Variants in FAM114A1 observed in about 807,000 individuals in gnomAD.
The protein encoded by FAM114A1 is protein NOXP20.
FAM114A1 carries 62 observed loss-of-function variants against 64.3 expected under a neutral mutation model. The ratio of observed to expected loss-of-function variants is 0.96; its 90% CI spans 0.79 to 1.19. The LOEUF (loss-of-function observed/expected upper bound fraction) is 1.19. FAM114A1 is among the 50% of genes most tolerant of loss of function. The probability of loss-of-function intolerance (pLI) is 0.00; values close to 1 mark genes in which losing one functional copy is unlikely to be tolerated. For missense variants in FAM114A1, 645 were observed against 676.3 expected, an observed-to-expected ratio of 0.95 and a Z score of 0.51; for synonymous variants, 254 against 251.1, an observed-to-expected ratio of 1.01 and a Z score of -0.11.
chr4:38,919,503 A>G (rs1719386899), intron 8 of FAM114A1, among the ~76,000 whole-genome samples: 1 of 152,210 alleles, frequency 6.6e-6, no homozygotes, highest in Non-Finnish European at 1.5e-5. Context: ...CCTAGGGAAG[A>G]GTTCCATGCA....
chr4:38,884,940 T>G (rs1715645102), intron 3 of FAM114A1, among the ~76,000 whole-genome samples: 1 of 152,168 alleles, frequency 6.6e-6, no homozygotes, highest in Admixed American at 6.5e-5. Context: ...TACTTAACTA[T>G]TTACACATCT....
At chr4:38,932,442 A>G in intron 12 of FAM114A1, 68 bp downstream of exon 12, 1 of 1,417,032 alleles carries the variant, frequency 7.1e-7, no homozygotes, top group Middle Eastern at 1.8e-4. Context: ...AGATACACAC[A>G]TACACACCCA....
Position 38,931,168 on chromosome 4 carries a change from A to G in FAM114A1, c.1162-283A>G, listed in dbSNP as rs1720596035. ...ATTTTTCAATGTGACTGTCATTTTT[A>G]TTCTTATCTGAATATCATTTTTAAA... On this transcript the variant is annotated intron_variant, in intron 10 of 14. Coordinates refer to ENST00000358869, the MANE Select transcript of FAM114A1 (RefSeq NM_138389.4). Among the ~76,000 whole-genome samples the G allele has an allele frequency of 2.6e-5, 4 of 152,194 alleles. No individual in the cohort carries two copies. In the South Asian group the frequency reaches 8.3e-4, roughly 31 times the overall value.
rs143577965 is a variant in FAM114A1 at position 38,929,956 on chromosome 4, G to A, written c.1161+623G>A. Among the ~76,000 whole-genome samples the A allele has an allele frequency of 4.0e-3, 615 of 152,186 alleles. 1 individual carries two copies. Among genetic ancestry groups the A allele is most frequent in the African/African-American group, 0.013 (543 of 41,502 alleles). ...TCATGGCAAAATAGAATGTTATGTC[G>A]GAGCAGTAGTTATCATCAGGTTAGG... On this transcript the variant is annotated intron_variant, in intron 10 of 14. Transcript: ENST00000358869.
intron 3 of FAM114A1, among the ~76,000 whole-genome samples, chr4:38,883,058 C>A (rs1435991949): frequency 6.6e-6 from 1 of 152,208 alleles, no homozygotes; most frequent in African/African-American, 2.4e-5. Context: ...CCTGTAGGAA[C>A]CCACTCTACA....
At chr4:38,875,374 G>A (rs1017459185) in intron 2 of FAM114A1, among the ~76,000 whole-genome samples, 1 of 151,996 alleles carries the variant, frequency 6.6e-6, no homozygotes, top group Admixed American at 6.6e-5. Flanking sequence ...TCTCATTGTG[G>A]AGCTCTTTCA....
intron 10 of FAM114A1, among the ~76,000 whole-genome samples, chr4:38,929,995 G>A (rs1211120401): frequency 3.3e-5 from 5 of 152,146 alleles, no homozygotes; most frequent in Admixed American, 6.5e-5. Context: ...GGGAAAAAGG[G>A]TGCAGAATCA....
intron 3 of FAM114A1, among the ~76,000 whole-genome samples, chr4:38,885,390 T>G (rs931197420): frequency 1.6e-4 from 24 of 152,108 alleles, no homozygotes; most frequent in African/African-American, 5.8e-4. Context: ...ATCCTCTTGC[T>G]TCACCTTACC....
chr4:38,941,975 G>C (rs929387669), intron 14 of FAM114A1, among the ~76,000 whole-genome samples: 7 of 152,200 alleles, frequency 4.6e-5, no homozygotes, highest in African/African-American at 1.7e-4. Flanking sequence ...CGTGGCTGGG[G>C]AGGCCTCACA....
chr4:38,896,737 C>T (rs906218607), intron 4 of FAM114A1, among the ~76,000 whole-genome samples: 14 of 152,182 alleles, frequency 9.2e-5, no homozygotes, highest in Non-Finnish European at 1.9e-4. Context: ...AACCCCAGGG[C>T]TTTACAGCAT....
At chr4:38,886,594 G>A (rs888561796) in intron 3 of FAM114A1, among the ~76,000 whole-genome samples, 11 of 152,206 alleles carry the variant, frequency 7.2e-5, no homozygotes, top group Admixed American at 3.3e-4. Context: ...GAGGAATCAT[G>A]TGCATGATTA....
intron 4 of FAM114A1, among the ~76,000 whole-genome samples, chr4:38,903,791 G>A (rs1185461457): frequency 6.6e-6 from 1 of 152,084 alleles, no homozygotes; most frequent in Middle Eastern, 3.2e-3. Context: ...ATCTGCACAT[G>A]ACTATAAACA....
chr4:38,923,292 C>G (rs1171041655), intron 9 of FAM114A1, among the ~76,000 whole-genome samples: 1 of 141,766 alleles, frequency 7.1e-6, no homozygotes, highest in South Asian at 2.2e-4. Context: ...GGCGTGATAT[C>G]GGCTCACTGC....
At chr4:38,900,453 A>G (rs1180750091) in intron 4 of FAM114A1, among the ~76,000 whole-genome samples, 1 of 152,248 alleles carries the variant, frequency 6.6e-6, no homozygotes, top group Non-Finnish European at 1.5e-5. Flanking sequence ...ACCCATGATC[A>G]TAGCAGCATT....
At chr4:38,909,710 G>T (rs1365305546) in intron 7 of FAM114A1, among the ~76,000 whole-genome samples, 2 of 152,228 alleles carry the variant, frequency 1.3e-5, no homozygotes, top group African/African-American at 2.4e-5. Context: ...TGATGCAGCA[G>T]TGGATTTTGT....
At chr4:38,902,717 C>T (rs370744920) in intron 4 of FAM114A1, among the ~76,000 whole-genome samples, 1 of 152,046 alleles carries the variant, frequency 6.6e-6, no homozygotes. Context: ...TTTGGGGATA[C>T]TTGGGGTTTG....
chr4:38,916,277 T>G (rs1719042330), intron 8 of FAM114A1, among the ~76,000 whole-genome samples: 1 of 152,180 alleles, frequency 6.6e-6, no homozygotes, highest in South Asian at 2.1e-4. Flanking sequence ...TGGTTAAAAC[T>G]GTTCAAGAAT....
intron 9 of FAM114A1, among the ~76,000 whole-genome samples, chr4:38,923,184 G>A (rs1719778720): frequency 6.6e-6 from 1 of 151,204 alleles, no homozygotes; most frequent in African/African-American, 2.4e-5. Flanking sequence ...AGACTGCAAT[G>A]TGCTAAGCAG....
At chr4:38,884,473 G>T (rs2109575717) in intron 3 of FAM114A1, among the ~76,000 whole-genome samples, 1 of 152,314 alleles carries the variant, frequency 6.6e-6, no homozygotes, top group East Asian at 1.9e-4. Context: ...CAAGCCCTCA[G>T]CCCTGGAAGG....
Sources: gnomAD v4.1 joint callset for allele counts (sites outside exome capture counted in the v4.1 genomes callset) on GRCh38, gnomAD v4.1.1 for gene constraint, MANE v1.5 for transcripts, NCBI Gene and HGNC (gene_info 2026-07-23, HGNC 2026-07-21) for gene names.